The following THRB variants were observed in gnomAD, a reference collection of about 807,000 sequenced individuals.
THRB encodes the protein nuclear receptor subfamily 1 group A member 2.
A neutral mutation model predicts 47.8 loss-of-function variants in THRB; 12 were observed. The ratio of observed to expected loss-of-function variants is 0.25; its 90% CI spans 0.16 to 0.41. THRB has a LOEUF of 0.41. THRB is among the 10% of genes least tolerant of loss of function. THRB has a pLI of 1.00. For synonymous variants in THRB, 218 were observed against 212.2 expected, an observed-to-expected ratio of 1.03 and a Z score of -0.24; for missense variants, 348 against 589.2, an observed-to-expected ratio of 0.59 and a Z score of 4.24.
At chr3:24,285,332 AC>A (rs2055154393) in intron 3 of THRB, among the ~76,000 whole-genome samples, 1 of 151,450 alleles carries the variant, frequency 6.6e-6, no homozygotes, top group African/African-American at 2.4e-5. Flanking sequence ...TATCACAAGA[AC>A]AAAAAACCAA....
In THRB at chr3:24,299,793, T is replaced by A. The variant is rs529855383; in HGVS notation, c.-188-2422A>T. 5.9e-3 allele frequency among the ~76,000 whole-genome samples: 744 copies of A among 127,174 alleles called. 18 individuals are homozygous for A. Among genetic ancestry groups the A allele is most frequent in the Non-Finnish European group, 8.8e-3 (534 of 60,986 alleles). The allele number at this position is 127,174 out of a possible 152,430, so 83.4% of individuals were successfully genotyped here. ...TTTTTATTTATTTATTTATTTATTT[T>A]TTTTTTTTTAGCAAACATACCAGAG... On this transcript the variant is annotated intron_variant, in intron 2 of 10. Transcript: ENST00000646209.
At chr3:24,183,979 T>C (rs912892452) in intron 5 of THRB, among the ~76,000 whole-genome samples, 2 of 152,216 alleles carry the variant, frequency 1.3e-5, no homozygotes, top group Admixed American at 1.3e-4. Flanking sequence ...ATGGAGTTAA[T>C]CCTTCTTATT....
chr3:24,189,189 T>G (rs1338484313), intron 5 of THRB, among the ~76,000 whole-genome samples: 1 of 152,090 alleles, frequency 6.6e-6, no homozygotes, highest in Admixed American at 6.5e-5. Context: ...TTATTATGTT[T>G]TGGTATATGA....
At chr3:24,150,656 T>C (rs1040879010) in intron 6 of THRB, among the ~76,000 whole-genome samples, 2 of 152,208 alleles carry the variant, frequency 1.3e-5, no homozygotes, top group Non-Finnish European at 2.9e-5. Context: ...TTTGTTTAAG[T>C]CAGTCACTAA....
chr3:24,178,315 AATGTATAAT>A (rs1455333557), intron 5 of THRB, among the ~76,000 whole-genome samples: 4 of 152,132 alleles, frequency 2.6e-5, no homozygotes, highest in Admixed American at 2.6e-4. Flanking sequence ...CTCTGTCCAA[AATGTATAAT>A]CTGATTCTAA....
intron 1 of THRB, among the ~76,000 whole-genome samples, chr3:24,486,087 T>G (rs1472011210): frequency 6.6e-6 from 1 of 152,122 alleles, no homozygotes; most frequent in East Asian, 1.9e-4. Flanking sequence ...AGTAGACACC[T>G]GATAATATCT....
intron 6 of THRB, among the ~76,000 whole-genome samples, chr3:24,149,356 G>T (rs138671365): frequency 4.6e-5 from 7 of 152,264 alleles, no homozygotes; most frequent in South Asian, 2.1e-4. Flanking sequence ...TGAAGTTGGG[G>T]AGACCCTTGT....
chr3:24,163,432 A>G lies in THRB; in HGVS notation c.284-10942T>C, dbSNP rs137918588. Among the ~76,000 whole-genome samples, 378 of 152,280 alleles carry G rather than the reference A, an allele frequency of 2.5e-3. 1 individual carries two copies. Among genetic ancestry groups the G allele is most frequent in the Non-Finnish European group, 4.1e-3 (282 of 67,998 alleles). On this transcript the variant is annotated intron_variant, in intron 5 of 10. Coordinates refer to ENST00000646209, the MANE Select transcript of THRB (RefSeq NM_001354712.2). ...AATATTCCCCAGTGTTGGTTGAAGA[A>G]AATACAGTGAAAAGATAAAAGAGAA...
intron 1 of THRB, among the ~76,000 whole-genome samples, chr3:24,444,041 A>C (rs1399671001): frequency 2.0e-5 from 3 of 152,168 alleles, no homozygotes; most frequent in African/African-American, 7.2e-5. Context: ...AATTTTAAAA[A>C]TTCTCAGCAT....
At chr3:24,322,652 T>G (rs1181093369) in intron 2 of THRB, among the ~76,000 whole-genome samples, 2 of 152,232 alleles carry the variant, frequency 1.3e-5, no homozygotes, top group Non-Finnish European at 2.9e-5. Context: ...CTTCAATGTA[T>G]AGTTGCTCAG....
chr3:24,260,074 A>G (rs1347524972), intron 3 of THRB, among the ~76,000 whole-genome samples: 1 of 152,216 alleles, frequency 6.6e-6, no homozygotes, highest in African/African-American at 2.4e-5. Flanking sequence ...AACCCTAAGC[A>G]ACCACTAATC....
At chr3:24,231,627 T>A (rs1208100572) in intron 3 of THRB, among the ~76,000 whole-genome samples, 1 of 152,172 alleles carries the variant, frequency 6.6e-6, no homozygotes, top group African/African-American at 2.4e-5. Context: ...TTTAGTACAA[T>A]TTTCCTTCAG....
At chr3:24,283,984 T>A (rs1460865950) in intron 3 of THRB, among the ~76,000 whole-genome samples, 2 of 128,476 alleles carry the variant, frequency 1.6e-5, no homozygotes, top group Non-Finnish European at 3.4e-5. Context: ...AGAATCAATA[T>A]CATGAAAATG....
In THRB at chr3:24,117,290, G is replaced by A. The variant is rs1030752393; in HGVS notation, c.*5594C>T. On this transcript the variant is annotated 3_prime_UTR_variant, in exon 11 of 11. Transcript: ENST00000646209. ...AGATTTACCTTTGGTGTGGGCACTG[G>A]TTGCTTTTGCTTGCCCACCATTCTC... 2 of 152,218 alleles carry A rather than the reference G, an allele frequency of 1.3e-5. No individual in the cohort carries two copies. The highest frequency in any genetic ancestry group is 2.9e-5 in the Non-Finnish European group (2 of 68,044). 9.4% of individuals were successfully genotyped at this position (152,218 alleles called of 1,614,324 possible). A position where few individuals can be genotyped will look rare whatever the true frequency, so the allele number is the denominator to read the frequency against.
intron 8 of THRB, among the ~76,000 whole-genome samples, chr3:24,140,329 AAAC>A (rs2035270123): frequency 6.6e-6 from 1 of 152,184 alleles, no homozygotes; most frequent in African/African-American, 2.4e-5. Context: ...TTGTGGTTTA[AAAC>A]AACAATTTTT....
At chr3:24,193,827 T>G (rs559514586) in intron 4 of THRB, among the ~76,000 whole-genome samples, 1 of 152,226 alleles carries the variant, frequency 6.6e-6, no homozygotes, top group East Asian at 1.9e-4. Context: ...ACACACATGT[T>G]TATAACAGCA....
intron 5 of THRB, chr3:24,165,255 G>C (rs764461305): frequency 1.0e-5 from 8 of 764,990 alleles, no homozygotes; most frequent in Non-Finnish European, 1.9e-5. Context: ...CTGTAACCCG[G>C]ACTATCTTCA....
chr3:24,430,254 T>A (rs543057276), intron 1 of THRB: 1 of 151,742 alleles, frequency 6.6e-6, no homozygotes, highest in Admixed American at 6.6e-5. Flanking sequence ...AGAGAGAAAG[T>A]AAATCAAGCA....
intron 1 of THRB, among the ~76,000 whole-genome samples, chr3:24,341,457 C>T (rs976829730): frequency 6.6e-6 from 1 of 152,056 alleles, no homozygotes; most frequent in Non-Finnish European, 1.5e-5. Flanking sequence ...TGGTCTCGAA[C>T]TCCTGAGCTC....
Sources: gnomAD v4.1 joint callset for allele counts (sites outside exome capture counted in the v4.1 genomes callset) on GRCh38, gnomAD v4.1.1 for gene constraint, MANE v1.5 for transcripts, NCBI Gene and HGNC (gene_info 2026-07-23, HGNC 2026-07-21) for gene names.